SHANK2: variants seen among roughly 807,000 people sequenced by gnomAD.
The protein encoded by SHANK2 is SH3 and multiple ankyrin repeat domains protein 2.
Under a neutral mutation model 133.7 loss-of-function variants are expected in SHANK2, and 43 were observed. The observed-to-expected ratio is 0.32, with a 90% CI of 0.25 to 0.41. The LOEUF (loss-of-function observed/expected upper bound fraction) is 0.41, where lower values mean the gene tolerates loss of function less well. Ranked by LOEUF, SHANK2 falls within the 10% of genes least tolerant of loss-of-function variation. The pLI is 1.00. For missense variants in SHANK2, 1,994 were observed against 2,235.8 expected, an observed-to-expected ratio of 0.89 and a Z score of 2.18; for synonymous variants, 1,017 against 952.8, an observed-to-expected ratio of 1.07 and a Z score of -1.24.
chr11:70,471,404 G>A lies in SHANK2; in HGVS notation c.*1465C>T, dbSNP rs1591470123. ...CTGGAAGCCTGACTGTGTGTTTTGCGGCCCATGTGCATCTGGTGACCTCTT... is the reference window on the plus strand; with the variant it reads ...CTGGAAGCCTGACTGTGTGTTTTGCAGCCCATGTGCATCTGGTGACCTCTT... On this transcript the variant is annotated 3_prime_UTR_variant, in exon 26 of 26. Transcript: ENST00000601538. This position sits in a 1 kb window ranked among gnomAD's most constrained non-coding sequence, Gnocchi z 4.1. 5.0e-6 allele frequency: 2 copies of A among 398,888 alleles called. No homozygotes were observed. Among genetic ancestry groups the A allele is most frequent in the Non-Finnish European group, 8.8e-6 (2 of 226,036 alleles). 24.7% of individuals were successfully genotyped at this position (398,888 alleles called of 1,614,324 possible). A position where few individuals can be genotyped will look rare whatever the true frequency, so the allele number is the denominator to read the frequency against.
intron 3 of SHANK2, among the ~76,000 whole-genome samples, chr11:71,141,101 G>C (rs1384084040): frequency 3.9e-5 from 6 of 152,236 alleles, no homozygotes; most frequent in Non-Finnish European, 7.3e-5. Context: ...TGGGGCTCCC[G>C]GGGCTGGCTG....
At chr11:70,734,064 G>A (rs1946345765) in intron 14 of SHANK2, among the ~76,000 whole-genome samples, 1 of 152,144 alleles carries the variant, frequency 6.6e-6, no homozygotes, top group African/African-American at 2.4e-5. Context: ...AGTCACCAGG[G>A]GCTGGGAGGT....
intron 3 of SHANK2, 95 bp downstream of exon 3, chr11:71,147,025 C>A: frequency 1.9e-6 from 2 of 1,065,004 alleles, no homozygotes; most frequent in Non-Finnish European, 2.7e-6. Flanking sequence ...GCAGTCAGGA[C>A]CGTGGGTCCG....
At chr11:70,904,696 T>C (rs1428771026) in intron 10 of SHANK2, among the ~76,000 whole-genome samples, 1 of 152,024 alleles carries the variant, frequency 6.6e-6, no homozygotes, top group African/African-American at 2.4e-5. Flanking sequence ...TTAGTAGAGA[T>C]GGGGTTTCAC....
At chr11:71,073,136 C>CTTTTCTTTTTTTTTTTGTTTTTTTTTT (rs1951164763) in intron 9 of SHANK2, among the ~76,000 whole-genome samples, 1 of 72,336 alleles carries the variant, frequency 1.4e-5, no homozygotes, top group Non-Finnish European at 3.5e-5. Context: ...TGTTTTTTTT[C>CTTTTCTTTTTTTTTTTGTTTTTTTTTT]TTTTTCTTTT....
chr11:71,108,799 C>T (rs1555098449), intron 6 of SHANK2, among the ~76,000 whole-genome samples: 1 of 152,220 alleles, frequency 6.6e-6, no homozygotes, highest in Non-Finnish European at 1.5e-5. Context: ...ATCAAAGCTA[C>T]CAGCAGCCAC....
intron 15 of SHANK2, among the ~76,000 whole-genome samples, chr11:70,667,500 A>G (rs1013733113): frequency 3.3e-5 from 5 of 152,142 alleles, no homozygotes; most frequent in South Asian, 2.1e-4. Context: ...TCTGCCTCGC[A>G]AGACCACAGG....
At chr11:70,637,600 C>T (rs939156448) in intron 17 of SHANK2, among the ~76,000 whole-genome samples, 4 of 152,190 alleles carry the variant, frequency 2.6e-5, no homozygotes, top group South Asian at 2.1e-4. Flanking sequence ...GGGTGTGACC[C>T]GTGGGAGGCC....
At chr11:70,841,629 T>C (rs1480082208) in intron 11 of SHANK2, among the ~76,000 whole-genome samples, 1 of 152,206 alleles carries the variant, frequency 6.6e-6, no homozygotes, top group Non-Finnish European at 1.5e-5. Context: ...CCTGGGTGCC[T>C]GCGATCACTG....
At chr11:70,681,620 C>G (rs534636763) in intron 15 of SHANK2, among the ~76,000 whole-genome samples, 1 of 152,266 alleles carries the variant, frequency 6.6e-6, no homozygotes, top group Admixed American at 6.5e-5. Context: ...GGGGAGAGGC[C>G]AGCTCATTCG....
chr11:71,181,580 A>G (rs1392962383), intron 2 of SHANK2, among the ~76,000 whole-genome samples: 2 of 152,146 alleles, frequency 1.3e-5, no homozygotes, highest in African/African-American at 4.8e-5. Context: ...AAGAAAACCA[A>G]TCGGAGTGGC....
intron 17 of SHANK2, among the ~76,000 whole-genome samples, chr11:70,573,295 G>GT (rs1288834687): frequency 1.6e-3 from 170 of 107,724 alleles, no homozygotes; most frequent in Middle Eastern, 5.2e-3. Flanking sequence ...GGGCTGTGAT[G>GT]GAGCTGGGTG....
intron 10 of SHANK2, among the ~76,000 whole-genome samples, chr11:70,922,270 A>T (rs1950363006): frequency 6.6e-6 from 1 of 152,216 alleles, no homozygotes; most frequent in Non-Finnish European, 1.5e-5. Flanking sequence ...GAACGGACAC[A>T]TATAAGACAC....
At chr11:70,549,741 C>T (rs1395910090) in intron 17 of SHANK2, among the ~76,000 whole-genome samples, 1 of 152,232 alleles carries the variant, frequency 6.6e-6, no homozygotes, top group Non-Finnish European at 1.5e-5. Flanking sequence ...GGAATTCATG[C>T]CTCTTGGAGG....
chr11:70,523,073 T>A (rs1250482012), intron 17 of SHANK2, among the ~76,000 whole-genome samples: 3 of 152,170 alleles, frequency 2.0e-5, no homozygotes, highest in Admixed American at 6.5e-5. Flanking sequence ...CCTGCAATGC[T>A]GGTGTGGGTG....
rs1042574400 is a variant in SHANK2 at position 70,535,703 on chromosome 11, A to C, written c.2062-32772T>G. Among the ~76,000 whole-genome samples, 12 of 152,240 alleles carry C rather than the reference A, an allele frequency of 7.9e-5. No individual in the cohort carries two copies. Among genetic ancestry groups the C allele is most frequent in the Admixed American group, 6.5e-5 (1 of 15,278 alleles). ...TGCACAGTTGGGCAGGAGGATGGCC[A>C]CCCAGGGGGACCGAGGCCAGCCCTG... On this transcript the variant is annotated intron_variant, in intron 17 of 25. Coordinates refer to ENST00000601538, the MANE Select transcript of SHANK2 (RefSeq NM_012309.5). The surrounding 1 kb of genome is among the most constrained non-coding windows in gnomAD (Gnocchi z 4.3).
chr11:70,510,659 G>A (rs2059193227), intron 17 of SHANK2, among the ~76,000 whole-genome samples: 3 of 152,148 alleles, frequency 2.0e-5, no homozygotes, highest in African/African-American at 7.2e-5. Flanking sequence ...GCAGGAAGAG[G>A]GTGTCCTCCA....
At chr11:70,687,348 G>T (rs1443261664) in intron 15 of SHANK2, among the ~76,000 whole-genome samples, 2 of 152,164 alleles carry the variant, frequency 1.3e-5, no homozygotes, top group African/African-American at 2.4e-5. Flanking sequence ...GTAAGACCCC[G>T]ACTCAGAGCA....
intron 22 of SHANK2, 102 bp from the exon 23 acceptor site, chr11:70,490,489 C>A (rs1228495279): frequency 3.0e-6 from 3 of 987,610 alleles, no homozygotes. Flanking sequence ...CTGTGGCTTC[C>A]CCAAGCTGCT....
Sources: gnomAD v4.1 joint callset for allele counts (sites outside exome capture counted in the v4.1 genomes callset) on GRCh38, gnomAD v4.1.1 for gene constraint, Gnocchi (gnomAD v3.1) non-coding constraint, MANE v1.5 for transcripts, NCBI Gene and HGNC (gene_info 2026-07-23, HGNC 2026-07-21) for gene names.